Variants in NPAS3 observed in about 807,000 individuals in gnomAD.
The protein encoded by NPAS3 is neuronal PAS domain protein 3.
A neutral mutation model predicts 73.1 loss-of-function variants in NPAS3; 14 were observed. That is an observed-to-expected ratio of 0.19 (90% CI 0.13 to 0.30). The LOEUF (loss-of-function observed/expected upper bound fraction) is 0.30, where lower values mean the gene tolerates loss of function less well. NPAS3 is among the 10% of genes least tolerant of loss of function. NPAS3 has a pLI of 1.00. For missense variants in NPAS3, 1,096 were observed against 1,250.0 expected, an observed-to-expected ratio of 0.88 and a Z score of 1.86; for synonymous variants, 620 against 541.5, an observed-to-expected ratio of 1.14 and a Z score of -2.01.
intron 2 of NPAS3, among the ~76,000 whole-genome samples, chr14:33,195,106 G>A (rs1052036017): frequency 6.6e-6 from 1 of 151,988 alleles, no homozygotes; most frequent in Non-Finnish European, 1.5e-5. Flanking sequence ...TTTGTTGATT[G>A]CTTGATCCAG....
chr14:33,268,679 G>A (rs2040931914), intron 3 of NPAS3, among the ~76,000 whole-genome samples: 1 of 152,122 alleles, frequency 6.6e-6, no homozygotes, highest in Non-Finnish European at 1.5e-5. Context: ...AAATATACTT[G>A]ACGTAGCCTC....
At chr14:33,492,838 A>T (rs1257048401) in intron 4 of NPAS3, among the ~76,000 whole-genome samples, 1 of 152,154 alleles carries the variant, frequency 6.6e-6, no homozygotes, top group Non-Finnish European at 1.5e-5. Flanking sequence ...CATGGCAATG[A>T]TGGCAGGCTC....
chr14:33,706,717 G>A lies in NPAS3; in HGVS notation c.734-28497G>A, dbSNP rs140289345. Among the ~76,000 whole-genome samples the A allele has an allele frequency of 7.8e-3, 1,180 of 152,252 alleles. 4 individuals carry two copies. Among genetic ancestry groups the A allele is most frequent in the Middle Eastern group, 0.014 (4 of 294 alleles). ...CAATCCTCCCAATAATCCTAGGAGCGCAGATTATTGTTCACCCCATTTCCA... is the reference window on the plus strand; with the variant it reads ...CAATCCTCCCAATAATCCTAGGAGCACAGATTATTGTTCACCCCATTTCCA... On this transcript the variant is annotated intron_variant, in intron 6 of 11. Coordinates refer to ENST00000356141, the Ensembl canonical transcript of NPAS3.
intron 3 of NPAS3, among the ~76,000 whole-genome samples, chr14:33,324,377 T>G (rs1317365904): frequency 1.3e-5 from 2 of 152,178 alleles, no homozygotes; most frequent in Non-Finnish European, 2.9e-5. Context: ...TAATTAACAA[T>G]AGCAATAACA....
At chr14:33,065,869 C>T (rs1298434596) in intron 2 of NPAS3, among the ~76,000 whole-genome samples, 1 of 152,060 alleles carries the variant, frequency 6.6e-6, no homozygotes, top group Admixed American at 6.6e-5. Flanking sequence ...CAACTGCATG[C>T]CTTGGCCTTG....
Position 33,039,232 on chromosome 14 carries a change from G to A in NPAS3, c.51-16673G>A, listed in dbSNP as rs114934596. Reference sequence around the variant, plus strand: ...ATTTTATGCTTTTACATTCATGACTGCTTTTATTGCATTTTAATAAGTGGA... The same window carrying A: ...ATTTTATGCTTTTACATTCATGACTACTTTTATTGCATTTTAATAAGTGGA... On this transcript the variant is annotated intron_variant, in intron 1 of 11. Coordinates refer to ENST00000356141, the Ensembl canonical transcript of NPAS3. Among the ~76,000 whole-genome samples, 349 of 152,208 alleles carry A rather than the reference G, an allele frequency of 2.3e-3. 3 individuals carry two copies. The highest frequency in any genetic ancestry group is 8.2e-3 in the African/African-American group (340 of 41,544).
chr14:33,307,449 G>A (rs1467825915), intron 3 of NPAS3, among the ~76,000 whole-genome samples: 1 of 151,950 alleles, frequency 6.6e-6, no homozygotes, highest in Non-Finnish European at 1.5e-5. Flanking sequence ...TTCCCCCTTT[G>A]CAGACAGTGT....
At chr14:33,360,112 C>T (rs1017309105) in intron 3 of NPAS3, among the ~76,000 whole-genome samples, 1 of 152,248 alleles carries the variant, frequency 6.6e-6, no homozygotes, top group Non-Finnish European at 1.5e-5. Context: ...GGACTGGATC[C>T]TCGTCAGCTT....
intron 2 of NPAS3, among the ~76,000 whole-genome samples, chr14:33,173,820 GATTAT>G (rs2045485569): frequency 1.3e-5 from 2 of 152,140 alleles, no homozygotes. Flanking sequence ...GTGTATGTAA[GATTAT>G]ATTAAGTCAA....
chr14:33,590,315 T>A (rs1310400476), intron 5 of NPAS3, among the ~76,000 whole-genome samples: 1 of 152,182 alleles, frequency 6.6e-6, no homozygotes, highest in African/African-American at 2.4e-5. Flanking sequence ...GCATTTTGTT[T>A]TGTCTTCAGT....
At chr14:32,945,151 T>C (rs1194518259) in intron 1 of NPAS3, among the ~76,000 whole-genome samples, 3 of 152,180 alleles carry the variant, frequency 2.0e-5, no homozygotes, top group Non-Finnish European at 4.4e-5. Flanking sequence ...CATAGAAATA[T>C]AAGGCTTTCT....
chr14:33,617,107 A>G (rs2057943220), intron 5 of NPAS3, among the ~76,000 whole-genome samples: 1 of 152,196 alleles, frequency 6.6e-6, no homozygotes, highest in Admixed American at 6.5e-5. Flanking sequence ...ATACTAGTCC[A>G]GGCACCTTAG....
intron 4 of NPAS3, among the ~76,000 whole-genome samples, chr14:33,552,521 T>C (rs2055165439): frequency 6.6e-6 from 1 of 152,150 alleles, no homozygotes; most frequent in Non-Finnish European, 1.5e-5. Context: ...CCGATAACAA[T>C]AAATGCAATA....
chr14:33,781,042 C>T (rs1237026712), intron 9 of NPAS3, among the ~76,000 whole-genome samples: 1 of 152,120 alleles, frequency 6.6e-6, no homozygotes, highest in Non-Finnish European at 1.5e-5. Context: ...GATAATTCTG[C>T]ATAGTAAAAT....
chr14:33,769,745 A>ATTTTTTTTTTTTTTTTTTT (rs5807743), intron 7 of NPAS3, among the ~76,000 whole-genome samples: 1 of 103,382 alleles, frequency 9.7e-6, no homozygotes, highest in Admixed American at 1.2e-4. Context: ...AAAGACTTGG[A>ATTTTTTTTTTTTTTTTTTT]TTTTTTTTTT....
In NPAS3 at chr14:32,970,195, AT is replaced by A. The variant is rs59481169; in HGVS notation, c.50+30835del. Among the ~76,000 whole-genome samples, 522 of 152,290 alleles carry A rather than the reference AT, an allele frequency of 3.4e-3. 2 individuals carry two copies. The highest frequency in any genetic ancestry group is 0.012 in the African/African-American group (487 of 41,574). On this transcript the variant is annotated intron_variant, in intron 1 of 11. Transcript: ENST00000356141. ...AACTTAATTTCGATTCTTTTCTATC[AT>A]TTTTTCCTAGGCTAGAGATAGACTA... is the stretch of plus-strand genomic sequence containing the variant.
chr14:32,955,633 T>C (rs1662750023), intron 1 of NPAS3, among the ~76,000 whole-genome samples: 1 of 152,122 alleles, frequency 6.6e-6, no homozygotes, highest in Admixed American at 6.5e-5. Flanking sequence ...ATTGTGACCT[T>C]TCTAGAAGGG....
At position 33,166,535 on chromosome 14, in the gene NPAS3, C is replaced by T. The variant is rs1431955304; in HGVS notation, c.141-48647C>T. On this transcript the variant is annotated intron_variant, in intron 2 of 11. Transcript: ENST00000356141. The stretch of plus-strand genomic sequence containing the variant: ...TCTCCAAGGATCTTTGTATTTTTTT[C>T]CCTCCATATCCTAGCCCAATGCCTT... Among the ~76,000 whole-genome samples the T allele has an allele frequency of 2.0e-5, 3 of 152,106 alleles. No individual in the cohort carries two copies. In the East Asian group the frequency reaches 5.8e-4, roughly 29 times the overall value.
At chr14:33,710,538 C>T (rs977422123) in intron 6 of NPAS3, among the ~76,000 whole-genome samples, 3 of 152,184 alleles carry the variant, frequency 2.0e-5, no homozygotes, top group African/African-American at 7.2e-5. Context: ...CCTACAAGCC[C>T]TTACCCTTTT....
Sources: allele counts gnomAD v4.1 joint callset (sites outside exome capture counted in the v4.1 genomes callset), GRCh38; gene constraint gnomAD v4.1.1; transcripts MANE v1.5; gene names NCBI Gene and HGNC (gene_info 2026-07-23, HGNC 2026-07-21).